PDZD2: variants seen among roughly 807,000 people sequenced by gnomAD.
PDZD2 encodes the protein PDZ domain-containing protein 2.
A neutral mutation model predicts 220.7 loss-of-function variants in PDZD2; 90 were observed. That is an observed-to-expected ratio of 0.41 (90% CI 0.34 to 0.49). The LOEUF (loss-of-function observed/expected upper bound fraction) is 0.49, where lower values mean the gene tolerates loss of function less well. Among genes scored for constraint, PDZD2 ranks in the 20% least tolerant of loss-of-function variants. The pLI is 0.28. For missense variants in PDZD2, 3,174 were observed against 3,608.5 expected, an observed-to-expected ratio of 0.88 and a Z score of 3.08; for synonymous variants, 1,375 against 1,450.5, an observed-to-expected ratio of 0.95 and a Z score of 1.18.
rs147986406 is a variant in PDZD2, at chr5:31,697,374, A to T, written c.-361+57937A>T. 7.9e-5 allele frequency among the ~76,000 whole-genome samples: 12 copies of T among 152,316 alleles called. No individual in the cohort carries two copies. In the East Asian group the frequency reaches 2.3e-3, roughly 29 times the overall value. On this transcript the variant is annotated intron_variant, in intron 1 of 24. Transcript: ENST00000438447. ...GCTACTCAGAAGGCTTAGGCATGAGAATCACTTGAACCCTGGAAGCAGAGG... is the reference window on the plus strand; with the variant it reads ...GCTACTCAGAAGGCTTAGGCATGAGTATCACTTGAACCCTGGAAGCAGAGG...
chr5:31,881,812 T>TAAAGTGATTCTCCTGCCTC (rs1273525165), intron 2 of PDZD2, among the ~76,000 whole-genome samples: 1 of 151,826 alleles, frequency 6.6e-6, no homozygotes, highest in Non-Finnish European at 1.5e-5. Context: ...CCTCCTGGGT[T>TAAAGTGATTCTCCTGCCTC]TAAGTGATTC....
intron 2 of PDZD2, among the ~76,000 whole-genome samples, chr5:31,885,873 A>C (rs1740413765): frequency 6.6e-6 from 1 of 151,948 alleles, no homozygotes; most frequent in Non-Finnish European, 1.5e-5. Flanking sequence ...TTATCCGTAT[A>C]GTTTGTTTTT....
chr5:31,880,752 C>T (rs1580978021), intron 2 of PDZD2, among the ~76,000 whole-genome samples: 1 of 149,902 alleles, frequency 6.7e-6, no homozygotes, highest in East Asian at 2.0e-4. Context: ...CTCTTATAAC[C>T]TCAGACACAG....
intron 5 of PDZD2, among the ~76,000 whole-genome samples, chr5:32,001,516 C>T (rs2112004309): frequency 6.6e-6 from 1 of 152,092 alleles, no homozygotes; most frequent in African/African-American, 2.4e-5. Flanking sequence ...GACCCGGGCC[C>T]TAACGCCCAG....
chr5:31,985,161 G>T (rs1750616410), intron 3 of PDZD2, among the ~76,000 whole-genome samples: 1 of 151,888 alleles, frequency 6.6e-6, no homozygotes, highest in South Asian at 2.1e-4. Context: ...CAAATTAAGG[G>T]CAGTGAAAAT....
At chr5:31,872,040 G>A (rs1030084166) in intron 2 of PDZD2, among the ~76,000 whole-genome samples, 1 of 151,456 alleles carries the variant, frequency 6.6e-6, no homozygotes, top group African/African-American at 2.4e-5. Flanking sequence ...TTGAAATCAA[G>A]GGATCTACAC....
chr5:31,773,684 C>T (rs955520593), intron 1 of PDZD2, among the ~76,000 whole-genome samples: 2 of 151,948 alleles, frequency 1.3e-5, no homozygotes, highest in Admixed American at 1.3e-4. Context: ...GATTTATCTA[C>T]CTAGAAAGAG....
chr5:31,952,322 T>G (rs1275623493), intron 2 of PDZD2, among the ~76,000 whole-genome samples: 1 of 152,232 alleles, frequency 6.6e-6, no homozygotes, highest in East Asian at 1.9e-4. Flanking sequence ...TGGGAATGTC[T>G]GAATTTGTAA....
chr5:31,994,155 T>C (rs1751450302), intron 3 of PDZD2, among the ~76,000 whole-genome samples: 1 of 151,780 alleles, frequency 6.6e-6, no homozygotes, highest in African/African-American at 2.4e-5. Context: ...GTATCTGGGA[T>C]TATAGGTGCC....
At chr5:31,773,969 A>C (rs980785719) in intron 1 of PDZD2, among the ~76,000 whole-genome samples, 2 of 152,168 alleles carry the variant, frequency 1.3e-5, no homozygotes, top group African/African-American at 4.8e-5. Context: ...ACCGATGTCG[A>C]CACCTAGAGG....
rs1750484419 is a variant in PDZD2 at position 31,983,650 on chromosome 5, G to A, written c.972G>A (p.Leu324=). The A allele has an allele frequency of 1.2e-6, 2 of 1,612,660 alleles. No homozygotes were observed. The highest frequency in any genetic ancestry group is 1.1e-5 in the South Asian group (1 of 90,962). Reference sequence around the variant, plus strand: ...CGGACTTCCAATCGAGTGACTGCCTGGCACGGGTAAGGTTTGGTTTGATTA... The same window carrying A: ...CGGACTTCCAATCGAGTGACTGCCTAGCACGGGTAAGGTTTGGTTTGATTA... The part of the protein sequence containing the change: ...GKTDFQSSDC[L]AREEVGRIWK... Residue 324 remains leucine, a synonymous_variant, in exon 3 of 25, where the codon CTG becomes CTA. Transcript: ENST00000438447.
intron 2 of PDZD2, among the ~76,000 whole-genome samples, chr5:31,815,245 C>CAAAAAAAAAAAAAAAAA (rs59040987): frequency 2.4e-4 from 14 of 57,936 alleles, no homozygotes; most frequent in African/African-American, 9.5e-4. Flanking sequence ...AACTCTGTCT[C>CAAAAAAAAAAAAAAAAA]AAAAAAAAAA....
chr5:32,005,887 C>T (rs4446477), intron 5 of PDZD2, among the ~76,000 whole-genome samples: 3,041 of 152,266 alleles, frequency 0.02, 47 homozygotes, highest in Middle Eastern at 0.037. Context: ...GTGGCTCACA[C>T]CTGTAATCCC....
At chr5:31,960,154 G>C (rs1383281134) in intron 2 of PDZD2, among the ~76,000 whole-genome samples, 1 of 152,072 alleles carries the variant, frequency 6.6e-6, no homozygotes, top group African/African-American at 2.4e-5. Flanking sequence ...GTTCAACCTA[G>C]ATGCTTGCTT....
At chr5:31,732,700 A>G (rs2150157648) in intron 1 of PDZD2, among the ~76,000 whole-genome samples, 1 of 152,318 alleles carries the variant, frequency 6.6e-6, no homozygotes, top group East Asian at 1.9e-4. Flanking sequence ...ATGTTCATAG[A>G]GTAGGGAAAA....
At chr5:31,992,914 G>A (rs573368069) in intron 3 of PDZD2, among the ~76,000 whole-genome samples, 13 of 149,812 alleles carry the variant, frequency 8.7e-5, no homozygotes, top group East Asian at 2.0e-4. Context: ...CCGTGAGGCC[G>A]CCACAGGGCT....
intron 2 of PDZD2, among the ~76,000 whole-genome samples, chr5:31,853,079 A>T (rs947074630): frequency 6.6e-6 from 1 of 152,174 alleles, no homozygotes; most frequent in African/African-American, 2.4e-5. Context: ...ATTCCCATAA[A>T]ACTTATAGGA....
chr5:31,799,380 G>A lies in PDZD2; in HGVS notation c.132G>A (p.Glu44=), dbSNP rs1754249466. The change falls in exon 2 of 25, where the codon GAG becomes GAA. Residue 44 remains glutamate (E), a synonymous_variant. Transcript: ENST00000438447. Reference sequence around the variant, plus strand: ...AGGCGGCCATCCAGAAGCTGCAGGAGTACATCCAGCTGAACTTTGCTGTGG... The same window carrying A: ...AGGCGGCCATCCAGAAGCTGCAGGAATACATCCAGCTGAACTTTGCTGTGG... The part of the protein sequence containing the change: ...LCQAAIQKLQ[E]YIQLNFAVDE... 1.2e-6 allele frequency: 2 copies of A among 1,614,192 alleles called. No homozygotes were observed. The highest frequency in any genetic ancestry group is 1.3e-5 in the African/African-American group (1 of 75,064).
intron 7 of PDZD2, among the ~76,000 whole-genome samples, chr5:32,040,657 G>A (rs1281189052): frequency 7.2e-6 from 1 of 138,156 alleles, no homozygotes; most frequent in Non-Finnish European, 1.5e-5. Context: ...GAGCACCTCC[G>A]CCTGGCTGCC....
Sources: allele counts gnomAD v4.1 joint callset (sites outside exome capture counted in the v4.1 genomes callset), GRCh38; gene constraint gnomAD v4.1.1; transcripts MANE v1.5; gene names NCBI Gene and HGNC (gene_info 2026-07-23, HGNC 2026-07-21).